IL12RB2: variants seen among roughly 807,000 people sequenced by gnomAD.
IL12RB2 encodes the protein interleukin 12 receptor subunit beta 2, also known as interleukin-12 receptor subunit beta-2.
Under a neutral mutation model 89.4 loss-of-function variants are expected in IL12RB2, and 82 were observed. The ratio of observed to expected loss-of-function variants is 0.92; its 90% CI spans 0.77 to 1.10. The LOEUF (loss-of-function observed/expected upper bound fraction) is 1.10. Among genes scored for constraint, IL12RB2 ranks in the 50% least tolerant of loss-of-function variants. The probability of loss-of-function intolerance (pLI) is 0.00; values close to 1 mark genes in which losing one functional copy is unlikely to be tolerated. For synonymous variants in IL12RB2, 368 were observed against 370.1 expected, an observed-to-expected ratio of 0.99 and a Z score of 0.07; for missense variants, 963 against 1,031.9, an observed-to-expected ratio of 0.93 and a Z score of 0.92.
Position 67,372,650 on chromosome 1 carries a change from T to C in IL12RB2, c.1584T>C (p.Asn528=), listed in dbSNP as rs986455769. Residue 528 remains asparagine (N), a synonymous_variant, in exon 13 of 17, where the codon AAT becomes AAC. Transcript: ENST00000674203. ...HKAPLSGPHI[N]AITEEKGSIL... Reference sequence around the variant, plus strand: ...CACCACTGAGTGGCCCCCACATTAATGCCATCACAGAGGAAAAGGGGAGCA... The same window carrying C: ...CACCACTGAGTGGCCCCCACATTAACGCCATCACAGAGGAAAAGGGGAGCA... 22 of 1,613,716 alleles carry C rather than the reference T, an allele frequency of 1.4e-5. No individual in the cohort carries two copies. Among genetic ancestry groups the C allele is most frequent in the Admixed American group, 5.0e-5 (3 of 59,998 alleles).
intron 5 of IL12RB2, 136 bp from the exon 6 acceptor site, chr1:67,328,064 T>C: frequency 1.4e-6 from 1 of 718,328 alleles, no homozygotes; most frequent in Non-Finnish European, 2.5e-6. Flanking sequence ...ATTCCCGGGG[T>C]GTATCCCCTA....
chr1:67,385,985 C>T (rs1049099138), intron 14 of IL12RB2, among the ~76,000 whole-genome samples: 1 of 151,594 alleles, frequency 6.6e-6, no homozygotes, highest in Admixed American at 6.6e-5. Flanking sequence ...CCGAGGCAGG[C>T]AGATCATGAG....
chr1:67,368,032 A>G lies in IL12RB2; in HGVS notation c.1459+7A>G, dbSNP rs1662901461. 6.4e-7 allele frequency: 1 copy of G among 1,552,148 alleles called. No individual in the cohort carries two copies. The highest frequency in any genetic ancestry group is 1.4e-5 in the African/African-American group (1 of 73,748). On this transcript the variant is annotated splice_region_variant and intron_variant, in intron 11 of 16. Transcript: ENST00000674203. Reference sequence around the variant, plus strand: ...GTGTCTGCTCTGATTTCAGGTACCTAATTGTTCACCTTCCTTCTAGAGGGT... The same window carrying G: ...GTGTCTGCTCTGATTTCAGGTACCTGATTGTTCACCTTCCTTCTAGAGGGT...
At chr1:67,366,428 G>A (rs1281798075) in intron 10 of IL12RB2, among the ~76,000 whole-genome samples, 2 of 133,150 alleles carry the variant, frequency 1.5e-5, no homozygotes, top group Non-Finnish European at 1.5e-5. Flanking sequence ...TCCAGCCTGG[G>A]CAAGATAGAG....
chr1:67,390,839 A>G (rs995693684), intron 16 of IL12RB2, among the ~76,000 whole-genome samples: 7 of 152,070 alleles, frequency 4.6e-5, no homozygotes, highest in Admixed American at 3.9e-4. Context: ...TGGCAAGTCA[A>G]TATTCCTCCC....
At chr1:67,329,562 CT>C (rs779507508) in intron 6 of IL12RB2, 24 bp from the exon 7 acceptor site, 12 of 1,498,344 alleles carry the variant, frequency 8.0e-6, no homozygotes, top group African/African-American at 4.1e-5. Flanking sequence ...CTGAACCACA[CT>C]TTTTTGTTTG....
Position 67,326,833 on chromosome 1 carries a change from A to T in IL12RB2, c.463A>T (p.Thr155Ser), listed in dbSNP as rs778269908. The T allele has an allele frequency of 1.9e-6, 3 of 1,611,276 alleles. No individual in the cohort carries two copies. The highest frequency in any genetic ancestry group is 2.7e-5 in the African/African-American group (2 of 74,854). ...AAGAGGACGAGACACCCACTTATAC[A>T]CTGAGTATACTCTACAGTGAGTGAG... ...WERGRDTHLYTEYTLQLSGPK... is the reference protein window; with the variant it reads ...WERGRDTHLYSEYTLQLSGPK... Residue 155 changes from threonine (T) to serine (S), a missense_variant, in exon 5 of 17, where the codon ACT becomes TCT. Coordinates refer to ENST00000674203, the MANE Select transcript of IL12RB2 (RefSeq NM_001374259.2).
intron 15 of IL12RB2, among the ~76,000 whole-genome samples, chr1:67,388,142 TC>T (rs1349909599): frequency 2.0e-5 from 3 of 152,076 alleles, no homozygotes; most frequent in African/African-American, 7.2e-5. Flanking sequence ...GCCACTGCAC[TC>T]CAGCCTAAAA....
At position 67,330,648 on chromosome 1, in the gene IL12RB2, GTC is replaced by G. The variant is rs761603456; in HGVS notation, c.808-10_808-9del. On this transcript the variant is annotated splice_polypyrimidine_tract_variant and intron_variant, in intron 7 of 16. Coordinates refer to ENST00000674203, the MANE Select transcript of IL12RB2 (RefSeq NM_001374259.2). ...GTATTAATAGGCACTTTAAAAAAAT[GTC>G]TGTTTCAAGGTTAATGTTACAAAGG... 3 of 1,383,150 alleles carry G rather than the reference GTC, an allele frequency of 2.2e-6. No homozygotes were observed. The highest frequency in any genetic ancestry group is 2.3e-5 in the South Asian group (2 of 86,552). The allele number at this position is 1,383,150 out of a possible 1,614,324, so 85.7% of individuals were successfully genotyped here. A position where few individuals can be genotyped will look rare whatever the true frequency, so the allele number is the denominator to read the frequency against.
intron 10 of IL12RB2, among the ~76,000 whole-genome samples, chr1:67,356,956 A>G (rs1661460116): frequency 6.6e-6 from 1 of 152,240 alleles, no homozygotes; most frequent in South Asian, 2.1e-4. Context: ...ATACCAAAAC[A>G]TGAATCAGAA....
intron 8 of IL12RB2, among the ~76,000 whole-genome samples, chr1:67,334,123 C>G (rs559487251): frequency 2.0e-3 from 307 of 152,260 alleles, no homozygotes; most frequent in African/African-American, 7.1e-3. Flanking sequence ...CCAGCTGCAG[C>G]CACCTCTTCC....
At chr1:67,316,044 T>A (rs2100550454) in intron 2 of IL12RB2, among the ~76,000 whole-genome samples, 1 of 152,336 alleles carries the variant, frequency 6.6e-6, no homozygotes. Context: ...TGCATTAAAC[T>A]AAACTAGAAG....
At chr1:67,312,442 G>A (rs1655193148) in intron 1 of IL12RB2, among the ~76,000 whole-genome samples, 1 of 152,024 alleles carries the variant, frequency 6.6e-6, no homozygotes, top group Non-Finnish European at 1.5e-5. Context: ...CTGTTATATT[G>A]GAGAAATGCT....
intron 13 of IL12RB2, among the ~76,000 whole-genome samples, chr1:67,373,195 C>T (rs1663561228): frequency 6.6e-6 from 1 of 152,144 alleles, no homozygotes; most frequent in Non-Finnish European, 1.5e-5. Context: ...GCAGCCTTGA[C>T]CTCCCTGGGC....
At chr1:67,360,144 G>A (rs1035047289) in intron 10 of IL12RB2, among the ~76,000 whole-genome samples, 1 of 152,172 alleles carries the variant, frequency 6.6e-6, no homozygotes, top group African/African-American at 2.4e-5. Context: ...GCTCACACCT[G>A]TAATCCCAAC....
At chr1:67,358,776 T>C (rs918269800) in intron 10 of IL12RB2, among the ~76,000 whole-genome samples, 19 of 152,270 alleles carry the variant, frequency 1.2e-4, no homozygotes, top group East Asian at 5.8e-4. Flanking sequence ...AATAAACTTA[T>C]GGTTAAATAC....
At chr1:67,324,584 C>G (rs984549326) in intron 4 of IL12RB2, among the ~76,000 whole-genome samples, 1 of 152,162 alleles carries the variant, frequency 6.6e-6, no homozygotes, top group Admixed American at 6.5e-5. Context: ...CTCCTGGGCT[C>G]AAGCTGTCTG....
At chr1:67,362,322 T>G (rs17435488) in intron 10 of IL12RB2, among the ~76,000 whole-genome samples, 2 of 148,688 alleles carry the variant, frequency 1.3e-5, no homozygotes, top group African/African-American at 2.5e-5. Context: ...ATCCCAGCAC[T>G]TTGGGAGGCC....
intron 14 of IL12RB2, 118 bp from the exon 15 acceptor site, chr1:67,386,461 C>T: frequency 1.3e-6 from 1 of 790,992 alleles, no homozygotes; most frequent in Non-Finnish European, 2.3e-6. Flanking sequence ...TTACCTTATT[C>T]TTGAGCACAG....
Sources: gnomAD v4.1 joint callset for allele counts (sites outside exome capture counted in the v4.1 genomes callset) on GRCh38, gnomAD v4.1.1 for gene constraint, MANE v1.5 for transcripts, NCBI Gene and HGNC (gene_info 2026-07-23, HGNC 2026-07-21) for gene names.